SIPA1L1: variants seen among roughly 807,000 people sequenced by gnomAD.
SIPA1L1 encodes signal induced proliferation associated 1 like 1.
In SIPA1L1, 26 loss-of-function variants were observed where a neutral mutation model predicts 162.7. The observed-to-expected ratio is 0.16, with a 90% confidence interval of 0.12 to 0.22. SIPA1L1 has a LOEUF of 0.22. SIPA1L1 is among the 10% of genes least tolerant of loss of function. SIPA1L1 has a pLI of 1.00. For synonymous variants in SIPA1L1, 829 were observed against 837.4 expected, an observed-to-expected ratio of 0.99 and a Z score of 0.17; for missense variants, 1,874 against 2,241.0, an observed-to-expected ratio of 0.84 and a Z score of 3.31.
At chr14:71,412,504 G>A (rs917059727) in intron 2 of SIPA1L1, among the ~76,000 whole-genome samples, 10 of 152,126 alleles carry the variant, frequency 6.6e-5, no homozygotes, top group African/African-American at 2.2e-4. Flanking sequence ...GGGTCTTACC[G>A]AGCTCTGTTC....
intron 8 of SIPA1L1, among the ~76,000 whole-genome samples, chr14:71,651,023 A>G (rs1019115929): frequency 5.9e-5 from 9 of 152,156 alleles, no homozygotes; most frequent in African/African-American, 2.2e-4. Context: ...TAGGCTTTTT[A>G]GCTTTGGTAT....
At chr14:71,655,544 A>G (rs1044011856) in intron 8 of SIPA1L1, among the ~76,000 whole-genome samples, 11 of 152,196 alleles carry the variant, frequency 7.2e-5, no homozygotes, top group Non-Finnish European at 1.5e-5. Flanking sequence ...AGAAATCTCC[A>G]TACTGTTTTC....
intron 8 of SIPA1L1, among the ~76,000 whole-genome samples, chr14:71,653,096 G>C (rs1442607060): frequency 6.6e-6 from 1 of 152,110 alleles, no homozygotes; most frequent in Non-Finnish European, 1.5e-5. Flanking sequence ...CAGTGAAGTT[G>C]CAGAACAGCT....
rs182920551 is a variant in SIPA1L1, at chr14:71,372,347, C to T, written c.-465+51166C>T. ...AAATTCTCAATTTCTTTTTTTCTCC[C>T]GTATCCAGATTAATTTACTTGAATA... On this transcript the variant is annotated intron_variant, in intron 2 of 23. Transcript: ENST00000381232. Among the ~76,000 whole-genome samples the T allele has an allele frequency of 4.1e-4, 63 of 152,194 alleles. 1 individual carries two copies. The East Asian group carries it at 4.4e-3, about 11-fold the overall frequency.
chr14:71,386,080 G>A (rs1217493703), intron 2 of SIPA1L1, among the ~76,000 whole-genome samples: 2 of 152,228 alleles, frequency 1.3e-5, no homozygotes, highest in East Asian at 1.9e-4. Context: ...TAATGGCCAC[G>A]TGTGACTACT....
At chr14:71,390,068 G>A (rs1433617627) in intron 2 of SIPA1L1, among the ~76,000 whole-genome samples, 2 of 152,136 alleles carry the variant, frequency 1.3e-5, no homozygotes, top group African/African-American at 4.8e-5. Context: ...CTTTGGGACT[G>A]AAATTTCTTA....
intron 2 of SIPA1L1, among the ~76,000 whole-genome samples, chr14:71,454,085 C>A (rs2046019261): frequency 7.3e-6 from 1 of 136,396 alleles, no homozygotes. Context: ...CTTAAAATAA[C>A]ATGGAGACTG....
In SIPA1L1 at chr14:71,705,208, A is replaced by G. The variant is rs757111309; in HGVS notation, c.3647-14A>G. The G allele has an allele frequency of 1.1e-5, 18 of 1,579,904 alleles. No individual in the cohort carries two copies. The highest frequency in any genetic ancestry group is 2.7e-5 in the African/African-American group (2 of 74,312). ...CTTAGTGCCTGCACCATAATGTCCT[A>G]TGCTGTATTCCAGAGCCAACATGCC... On this transcript the variant is annotated splice_polypyrimidine_tract_variant and intron_variant, in intron 15 of 23. Transcript: ENST00000381232.
At chr14:71,504,956 T>A (rs2050537164) in intron 2 of SIPA1L1, among the ~76,000 whole-genome samples, 2 of 152,194 alleles carry the variant, frequency 1.3e-5, no homozygotes, top group Non-Finnish European at 2.9e-5. Context: ...TAGACAAATT[T>A]GAGTGCTTTT....
At chr14:71,454,021 A>C (rs1378338573) in intron 2 of SIPA1L1, among the ~76,000 whole-genome samples, 1 of 144,664 alleles carries the variant, frequency 6.9e-6, no homozygotes, top group Non-Finnish European at 1.6e-5. Context: ...AAAAAAAAAA[A>C]AAAAGGAAAA....
At chr14:71,524,098 T>C (rs151107981) in intron 3 of SIPA1L1, among the ~76,000 whole-genome samples, 1 of 151,846 alleles carries the variant, frequency 6.6e-6, no homozygotes, top group Non-Finnish European at 1.5e-5. Context: ...GATGAATATA[T>C]GTATGTATAC....
At chr14:71,526,996 C>G (rs529494379) in intron 3 of SIPA1L1, among the ~76,000 whole-genome samples, 11 of 152,286 alleles carry the variant, frequency 7.2e-5, no homozygotes, top group African/African-American at 2.4e-4. Flanking sequence ...GCTGCACATC[C>G]TAAGTCTTGG....
At chr14:71,365,129 C>T (rs1295980948) in intron 2 of SIPA1L1, among the ~76,000 whole-genome samples, 2 of 152,106 alleles carry the variant, frequency 1.3e-5, no homozygotes, top group African/African-American at 4.8e-5. Flanking sequence ...TGGGCTCAAG[C>T]CATCCTCCCA....
intron 4 of SIPA1L1, among the ~76,000 whole-genome samples, chr14:71,553,050 G>T (rs552662156): frequency 6.6e-6 from 1 of 152,216 alleles, no homozygotes; most frequent in East Asian, 1.9e-4. Context: ...ATGCTGCTTA[G>T]TGTCACTCTG....
intron 2 of SIPA1L1, among the ~76,000 whole-genome samples, chr14:71,420,966 A>G (rs2043147858): frequency 6.6e-6 from 1 of 152,202 alleles, no homozygotes; most frequent in Non-Finnish European, 1.5e-5. Flanking sequence ...GCCTTCACAC[A>G]TCGCACGTGT....
Position 71,658,451 on chromosome 14 carries a change from T to C in SIPA1L1, c.2097+15T>C. On this transcript the variant is annotated intron_variant, in intron 9 of 23. Transcript: ENST00000381232. The stretch of plus-strand genomic sequence containing the variant: ...ACAAACAACAGGTAAGAGATCCTCC[T>C]GTTATCTGTGTTTTCACCCTTGTTT... 1 of 1,437,770 alleles carries C rather than the reference T, an allele frequency of 7.0e-7. No individual in the cohort carries two copies. Among genetic ancestry groups the C allele is most frequent in the Non-Finnish European group, 9.8e-7 (1 of 1,019,322 alleles). The allele number at this position is 1,437,770 out of a possible 1,614,324, so 89.1% of individuals were successfully genotyped here.
Position 71,598,381 on chromosome 14 carries a change from T to G in SIPA1L1, c.1498+9011T>G, listed in dbSNP as rs188933003. 1.6e-5 allele frequency: 4 copies of G among 252,484 alleles called. No homozygotes were observed. The East Asian group carries it at 7.2e-4, about 45-fold the overall frequency. 15.6% of individuals were successfully genotyped at this position (252,484 alleles called of 1,614,324 possible). On this transcript the variant is annotated intron_variant, in intron 5 of 23. Transcript: ENST00000381232. Reference sequence around the variant, plus strand: ...ACTACAGGAGGAAAGATAGTAACTTTATGGTGGAGAAACCTGGCAGACACA... The same window carrying G: ...ACTACAGGAGGAAAGATAGTAACTTGATGGTGGAGAAACCTGGCAGACACA...
intron 12 of SIPA1L1, among the ~76,000 whole-genome samples, chr14:71,678,744 A>T (rs1405939362): frequency 2.6e-5 from 4 of 151,656 alleles, no homozygotes; most frequent in Non-Finnish European, 5.9e-5. Context: ...CTCTGGTAGA[A>T]TTCGGCTGTG....
intron 5 of SIPA1L1, among the ~76,000 whole-genome samples, chr14:71,592,568 T>C (rs775482328): frequency 6.6e-6 from 1 of 151,908 alleles, no homozygotes; most frequent in Non-Finnish European, 1.5e-5. Context: ...CAGCCGCTTA[T>C]CACCGGGTAG....
Sources: gnomAD v4.1 joint callset for allele counts (sites outside exome capture counted in the v4.1 genomes callset) on GRCh38, gnomAD v4.1.1 for gene constraint, MANE v1.5 for transcripts, NCBI Gene and HGNC (gene_info 2026-07-23, HGNC 2026-07-21) for gene names.